Variants in STX8 observed in about 807,000 individuals in gnomAD.
STX8 encodes syntaxin 8.
Under a neutral mutation model 37.5 loss-of-function variants are expected in STX8, and 23 were observed. The ratio of observed to expected loss-of-function variants is 0.61; its 90% CI spans 0.44 to 0.87. The LOEUF is 0.87. STX8 is among the 40% of genes least tolerant of loss of function. STX8 has a pLI of 0.00. For synonymous variants in STX8, 115 were observed against 99.1 expected (o/e 1.16, Z -0.95); for missense variants, 313 against 284.7 (o/e 1.10, Z -0.71).
chr17:9,301,414 T>C (rs1908775727), intron 7 of STX8, among the ~76,000 whole-genome samples: 1 of 152,066 alleles, frequency 6.6e-6, no homozygotes. Context: ...CCTCTCTTTG[T>C]ACACTTGAGA....
intron 7 of STX8, among the ~76,000 whole-genome samples, chr17:9,304,507 C>CAAAAAAAAAA (rs35673905): frequency 3.3e-4 from 19 of 56,852 alleles, no homozygotes; most frequent in African/African-American, 6.0e-4. Flanking sequence ...GAAACTGTCT[C>CAAAAAAAAAA]AAAAAAAAAA....
At chr17:9,374,909 C>T (rs1911531332) in intron 7 of STX8, among the ~76,000 whole-genome samples, 1 of 151,512 alleles carries the variant, frequency 6.6e-6, no homozygotes. Flanking sequence ...ACTAAAAATA[C>T]AAAAATTAGC....
At chr17:9,519,795 T>C (rs1314702707) in intron 4 of STX8, among the ~76,000 whole-genome samples, 2 of 149,932 alleles carry the variant, frequency 1.3e-5, no homozygotes, top group African/African-American at 4.9e-5. Flanking sequence ...GAGTCTGGAG[T>C]GTCCCCACCC....
intron 5 of STX8, among the ~76,000 whole-genome samples, chr17:9,503,501 GATTT>G (rs1448798319): frequency 1.3e-5 from 2 of 152,042 alleles, no homozygotes; most frequent in Non-Finnish European, 2.9e-5. Context: ...GCTGACTTTA[GATTT>G]ATTTTCTCCT....
At chr17:9,486,452 A>C (rs1906601232) in intron 6 of STX8, among the ~76,000 whole-genome samples, 1 of 152,230 alleles carries the variant, frequency 6.6e-6, no homozygotes, top group Non-Finnish European at 1.5e-5. Context: ...TCGTGCCTCT[A>C]TGATTCTTTG....
chr17:9,346,122 G>A (rs1567792507), intron 7 of STX8, among the ~76,000 whole-genome samples: 1 of 152,040 alleles, frequency 6.6e-6, no homozygotes, highest in Non-Finnish European at 1.5e-5. Context: ...AAAGTGCTGG[G>A]ATTACAGGCG....
intron 7 of STX8, among the ~76,000 whole-genome samples, chr17:9,297,743 G>C (rs1908618490): frequency 2.0e-5 from 3 of 152,258 alleles, no homozygotes; most frequent in Non-Finnish European, 4.4e-5. Flanking sequence ...AGGCATGGTG[G>C]CACACACCTG....
chr17:9,527,620 C>T (rs1010070371), intron 4 of STX8, among the ~76,000 whole-genome samples: 1 of 151,892 alleles, frequency 6.6e-6, no homozygotes, highest in Non-Finnish European at 1.5e-5. Flanking sequence ...TTTTATTTTC[C>T]ATACCAAAAG....
chr17:9,378,597 C>A lies in STX8; in HGVS notation c.598G>T (p.Glu200Ter), dbSNP rs1344082175. ...VENTDEKLRN[E>*]TRRVNMVDRK... The stretch of plus-strand genomic sequence containing the variant: ...TCCACCATGTTTACCCGCCTGGTTT[C>A]ATTGCGAAGTTTTTCATCTGTGTTC... The change falls in exon 7 of 8, where the codon GAA (glutamate) becomes TAA (stop). Residue 200 changes from glutamate to a stop codon, truncating the protein, a stop_gained. Coordinates refer to ENST00000306357, the MANE Select transcript of STX8 (RefSeq NM_004853.3). LOFTEE classifies it high-confidence loss of function. 1 of 1,613,880 alleles carries A rather than the reference C, an allele frequency of 6.2e-7. No homozygotes were observed. The highest frequency in any genetic ancestry group is 8.5e-7 in the Non-Finnish European group (1 of 1,179,840).
At chr17:9,434,619 T>C (rs923196868) in intron 6 of STX8, among the ~76,000 whole-genome samples, 2 of 152,140 alleles carry the variant, frequency 1.3e-5, no homozygotes, top group African/African-American at 2.4e-5. Flanking sequence ...CTAACTGATA[T>C]AGGGCAGGCA....
intron 6 of STX8, among the ~76,000 whole-genome samples, chr17:9,442,325 A>G (rs1180323407): frequency 6.6e-6 from 1 of 152,178 alleles, no homozygotes; most frequent in Non-Finnish European, 1.5e-5. Context: ...AACTACTTCA[A>G]GCCACCTCCT....
At chr17:9,375,666 T>C (rs369466127) in intron 7 of STX8, among the ~76,000 whole-genome samples, 1 of 152,022 alleles carries the variant, frequency 6.6e-6, no homozygotes, top group East Asian at 1.9e-4. Flanking sequence ...ATATGTTAGG[T>C]TGGTGCCAAA....
intron 7 of STX8, among the ~76,000 whole-genome samples, chr17:9,323,115 C>T (rs558549180): frequency 6.6e-6 from 1 of 151,736 alleles, no homozygotes; most frequent in African/African-American, 2.4e-5. Context: ...AAAGAGAAGC[C>T]CCTTCAGAAA....
At chr17:9,526,037 C>T (rs1392945873) in intron 4 of STX8, among the ~76,000 whole-genome samples, 5 of 152,164 alleles carry the variant, frequency 3.3e-5, no homozygotes, top group Non-Finnish European at 1.5e-5. Flanking sequence ...CACTTGAACA[C>T]CTGGTGGAAT....
At chr17:9,319,086 G>A (rs1450306820) in intron 7 of STX8, among the ~76,000 whole-genome samples, 1 of 152,138 alleles carries the variant, frequency 6.6e-6, no homozygotes, top group African/African-American at 2.4e-5. Context: ...TTTCCACGTG[G>A]AAATTAGTAC....
intron 6 of STX8, among the ~76,000 whole-genome samples, chr17:9,460,118 CCTT>C (rs1213805956): frequency 1.3e-5 from 2 of 152,096 alleles, no homozygotes; most frequent in Admixed American, 6.6e-5. Context: ...AGCAAAGTCT[CCTT>C]CTTTTGCAGT....
intron 5 of STX8, among the ~76,000 whole-genome samples, chr17:9,493,840 A>G (rs1018790580): frequency 1.3e-5 from 2 of 152,168 alleles, no homozygotes; most frequent in Non-Finnish European, 2.9e-5. Context: ...ATAGTGATAT[A>G]CTTATAATAG....
At chr17:9,473,665 A>T (rs11078805) in intron 6 of STX8, among the ~76,000 whole-genome samples, 79,310 of 150,520 alleles carry the variant, frequency 0.53, 21,294 homozygotes, top group Non-Finnish European at 0.58. Flanking sequence ...ATCCATTTTT[A>T]AAAAAAAAAT....
chr17:9,304,507 CAAAAA>C (rs35673905), intron 7 of STX8, among the ~76,000 whole-genome samples: 9 of 56,888 alleles, frequency 1.6e-4, no homozygotes, highest in African/African-American at 6.0e-4. Context: ...GAAACTGTCT[CAAAAA>C]AAAAAAAAAA....
Sources: allele counts gnomAD v4.1 joint callset (sites outside exome capture counted in the v4.1 genomes callset), GRCh38; gene constraint gnomAD v4.1.1; transcripts MANE v1.5; gene names NCBI Gene and HGNC (gene_info 2026-07-23, HGNC 2026-07-21).